SV2C: variants seen among roughly 807,000 people sequenced by gnomAD.
The protein encoded by SV2C is solute carrier family 22 member B3.
A neutral mutation model predicts 79.7 loss-of-function variants in SV2C; 49 were observed. The ratio of observed to expected loss-of-function variants is 0.61; its 90% CI spans 0.49 to 0.78. SV2C has a LOEUF of 0.78. SV2C is among the 30% of genes least tolerant of loss of function. SV2C has a pLI of 0.00. For synonymous variants in SV2C, 334 were observed against 333.2 expected (o/e 1.00, Z -0.03); for missense variants, 833 against 912.9 (o/e 0.91, Z 1.13).
the SV2C span, among the ~76,000 whole-genome samples, chr5:76,023,100 C>A: frequency 2.0e-5 from 3 of 152,226 alleles, no homozygotes; most frequent in Non-Finnish European, 2.9e-5. Context: ...ACAGTGACAC[C>A]CAATATTTGT....
At chr5:76,235,890 G>A (rs1023298963) in intron 4 of SV2C, among the ~76,000 whole-genome samples, 22 of 152,064 alleles carry the variant, frequency 1.4e-4, no homozygotes, top group African/African-American at 5.3e-4. Flanking sequence ...AACAGTTGGT[G>A]ATATGAGTTG....
At chr5:76,030,266 G>GGT in the SV2C span, among the ~76,000 whole-genome samples, 17 of 31,970 alleles carry the variant, frequency 5.3e-4, 4 homozygotes, top group African/African-American at 2.3e-3. Context: ...TCAGAGGCTT[G>GGT]TTTTTTTTTT....
intron 12 of SV2C, among the ~76,000 whole-genome samples, chr5:76,352,028 C>A (rs1011626830): frequency 6.6e-6 from 1 of 152,132 alleles, no homozygotes; most frequent in Admixed American, 6.5e-5. Flanking sequence ...GCCTGGCCAA[C>A]CTGGTGAAAC....
At chr5:76,287,380 A>G (rs1184429819) in intron 6 of SV2C, among the ~76,000 whole-genome samples, 1 of 152,220 alleles carries the variant, frequency 6.6e-6, no homozygotes, top group Non-Finnish European at 1.5e-5. Context: ...AGAATCATAG[A>G]TATAGTTCCA....
the SV2C span, among the ~76,000 whole-genome samples, chr5:75,876,804 G>A: frequency 6.6e-6 from 1 of 152,022 alleles, no homozygotes; most frequent in Admixed American, 6.6e-5. Context: ...CCACCTAAAA[G>A]TGGTTAATAT....
chr5:76,315,312 T>C (rs536864425), intron 12 of SV2C, among the ~76,000 whole-genome samples: 1 of 151,954 alleles, frequency 6.6e-6, no homozygotes, highest in Non-Finnish European at 1.5e-5. Flanking sequence ...ATGAAATTCA[T>C]TTTTTCTCTC....
At chr5:75,955,272 C>T in the SV2C span, among the ~76,000 whole-genome samples, 1 of 148,934 alleles carries the variant, frequency 6.7e-6, no homozygotes, top group African/African-American at 2.5e-5. Flanking sequence ...TTTGACAAAC[C>T]TGAGAAAAAC....
chr5:75,956,414 G>GA, the SV2C span, among the ~76,000 whole-genome samples: 1 of 107,100 alleles, frequency 9.3e-6, no homozygotes. Flanking sequence ...GGGGAGGGGG[G>GA]AGGGATGGCA....
At chr5:76,250,505 G>A (rs1213924265) in intron 4 of SV2C, among the ~76,000 whole-genome samples, 2 of 152,180 alleles carry the variant, frequency 1.3e-5, no homozygotes, top group Non-Finnish European at 2.9e-5. Flanking sequence ...TTCCACCCGT[G>A]TTCTAGATGC....
the SV2C span, among the ~76,000 whole-genome samples, chr5:76,058,043 A>T: frequency 1.3e-5 from 2 of 152,134 alleles, no homozygotes; most frequent in Admixed American, 6.6e-5. Flanking sequence ...TAACACAGAG[A>T]TACTATTATG....
At chr5:76,336,815 A>G (rs1448281422), downstream of SV2C, among the ~76,000 whole-genome samples, 1 of 152,222 alleles carries the variant, frequency 6.6e-6, no homozygotes, top group Non-Finnish European at 1.5e-5. Context: ...GGGAGAAAAG[A>G]AAAGTCCACA....
At chr5:76,094,885 G>A (rs538389257) in intron 1 of SV2C, among the ~76,000 whole-genome samples, 1 of 151,998 alleles carries the variant, frequency 6.6e-6, no homozygotes, top group African/African-American at 2.4e-5. Flanking sequence ...TTTCCTCCTA[G>A]TGTGGCTTGT....
the SV2C span, among the ~76,000 whole-genome samples, chr5:75,913,979 T>A: frequency 6.6e-6 from 1 of 152,108 alleles, no homozygotes; most frequent in Non-Finnish European, 1.5e-5. Flanking sequence ...AAAACACACC[T>A]TAAACATTAT....
chr5:76,089,121 A>G (rs1383126034), intron 1 of SV2C, among the ~76,000 whole-genome samples: 3 of 152,154 alleles, frequency 2.0e-5, no homozygotes, highest in African/African-American at 7.2e-5. Context: ...CTATCAACCC[A>G]TCATCTAGGT....
the SV2C span, among the ~76,000 whole-genome samples, chr5:76,047,520 C>T: frequency 3.3e-5 from 5 of 151,888 alleles, no homozygotes; most frequent in Non-Finnish European, 5.9e-5. Context: ...TTGGGTTGTT[C>T]CCAGTTTGTG....
At chr5:76,296,003 C>G (rs969875389) in intron 9 of SV2C, 61 bp downstream of exon 9, 48 of 1,467,512 alleles carry the variant, frequency 3.3e-5, no homozygotes, top group Non-Finnish European at 4.3e-5. Context: ...TTCTTCTTAG[C>G]TTTCCCTGCA....
At chr5:75,962,477 T>C in the SV2C span, among the ~76,000 whole-genome samples, 1 of 152,160 alleles carries the variant, frequency 6.6e-6, no homozygotes, top group East Asian at 1.9e-4. Flanking sequence ...TGAGGGTACA[T>C]ATTCAAGCAC....
At chr5:76,139,255 A>G (rs1749172556) in intron 2 of SV2C, among the ~76,000 whole-genome samples, 1 of 152,202 alleles carries the variant, frequency 6.6e-6, no homozygotes, top group Non-Finnish European at 1.5e-5. Flanking sequence ...CTAAAGATTT[A>G]GCCTATCTAT....
intron 2 of SV2C, among the ~76,000 whole-genome samples, chr5:76,190,238 G>GCAATGGGT (rs930938187): frequency 2.0e-5 from 3 of 152,192 alleles, no homozygotes; most frequent in African/African-American, 7.2e-5. Context: ...AGGGACCACT[G>GCAATGGGT]CAATGGGTTT....
Sources: allele counts gnomAD v4.1 joint callset (sites outside exome capture counted in the v4.1 genomes callset), GRCh38; gene constraint gnomAD v4.1.1; transcripts MANE v1.5; gene names NCBI Gene and HGNC (gene_info 2026-07-23, HGNC 2026-07-21).